NEURL1: variants seen among roughly 807,000 people sequenced by gnomAD.
NEURL1 encodes neuralized E3 ubiquitin protein ligase 1.
A neutral mutation model predicts 41.2 loss-of-function variants in NEURL1; 26 were observed. The ratio of observed to expected loss-of-function variants is 0.63; its 90% CI spans 0.46 to 0.87. NEURL1 has a LOEUF of 0.87. Among genes scored for constraint, NEURL1 ranks in the 40% least tolerant of loss-of-function variants. The pLI is 0.00. For missense variants in NEURL1, 761 were observed against 871.1 expected (o/e 0.87, Z 1.59); for synonymous variants, 400 against 402.3 (o/e 0.99, Z 0.07).
rs56397630 is a variant in NEURL1, at chr10:103,544,594, T to C, written c.86-26278T>C. Among the ~76,000 whole-genome samples the C allele has an allele frequency of 8.5e-3, 1,298 of 152,318 alleles. 7 individuals are homozygous for C. The highest frequency in any genetic ancestry group is 0.012 in the Non-Finnish European group (806 of 68,024). ...TTGCCCAAGGTCACACAGTGAATTA[T>C]GGCAGGCAGTGTCATGGTTAGTAAA... On this transcript the variant is annotated intron_variant, in intron 1 of 5. Transcript: ENST00000369780.
Position 103,563,479 on chromosome 10 carries a change from G to A in NEURL1, c.86-7393G>A, listed in dbSNP as rs1427540254. 5.3e-4 allele frequency among the ~76,000 whole-genome samples: 80 copies of A among 152,090 alleles called. 1 individual carries two copies. Among genetic ancestry groups the A allele is most frequent in the Admixed American group, 6.6e-5 (1 of 15,256 alleles). Reference sequence around the variant, plus strand: ...ACCGCCCAGAAAGTGAGACGAGACTGTCTCTTGGATGAAGATGATGATGCC... The same window carrying A: ...ACCGCCCAGAAAGTGAGACGAGACTATCTCTTGGATGAAGATGATGATGCC... On this transcript the variant is annotated intron_variant, in intron 1 of 5. Coordinates refer to ENST00000369780, the MANE Select transcript of NEURL1 (RefSeq NM_004210.5).
chr10:103,500,247 G>T (rs547055539), intron 1 of NEURL1, among the ~76,000 whole-genome samples: 54 of 152,272 alleles, frequency 3.5e-4, no homozygotes, highest in African/African-American at 1.3e-3. Context: ...CCATGCACTG[G>T]GTGGTTACTT....
rs7903052 is a variant in NEURL1, at chr10:103,545,200, G to A, written c.86-25672G>A. Among the ~76,000 whole-genome samples, 4,155 of 152,318 alleles carry A rather than the reference G, an allele frequency of 0.027. 195 individuals carry two copies. Among genetic ancestry groups the A allele is most frequent in the African/African-American group, 0.093 (3,879 of 41,564 alleles). Reference sequence around the variant, plus strand: ...GTTTCTGTCATTGCAGTCACCCTGTGGTGGCTCCCCTCCTTGGGCTGTCCT... The same window carrying A: ...GTTTCTGTCATTGCAGTCACCCTGTAGTGGCTCCCCTCCTTGGGCTGTCCT... On this transcript the variant is annotated intron_variant, in intron 1 of 5. Coordinates refer to ENST00000369780, the MANE Select transcript of NEURL1 (RefSeq NM_004210.5). The surrounding 1 kb of genome is among the most constrained non-coding windows in gnomAD (Gnocchi z 4.5).
chr10:103,584,655 G>C lies in NEURL1; in HGVS notation c.769G>C (p.Val257Leu). 7.0e-7 allele frequency: 1 copy of C among 1,426,008 alleles called. No homozygotes were observed. The highest frequency in any genetic ancestry group is 9.1e-7 in the Non-Finnish European group (1 of 1,096,150). The allele number at this position is 1,426,008 out of a possible 1,614,324, so 88.3% of individuals were successfully genotyped here. The change falls in exon 4 of 6, where the codon GTG (valine) becomes CTG (leucine). Residue 257 changes from valine (V) to leucine (L), a missense_variant. Transcript: ENST00000369780. ...CTCGGTGAGCCTATGCGACCTCAAC[G>C]TGCCGGGCGCGGACGGCGACGAGGC... is the stretch of plus-strand genomic sequence containing the variant. ...RLSVSLCDLNVPGADGDEAAP... is the reference protein window; with the variant it reads ...RLSVSLCDLNLPGADGDEAAP...
intron 1 of NEURL1, among the ~76,000 whole-genome samples, chr10:103,509,266 A>C (rs1222482986): frequency 6.6e-6 from 1 of 151,902 alleles, no homozygotes; most frequent in African/African-American, 2.4e-5. Flanking sequence ...AAAGAAACCA[A>C]ATACAGTTGT....
chr10:103,588,243 T>C (rs1013457488), intron 4 of NEURL1, among the ~76,000 whole-genome samples: 1 of 151,174 alleles, frequency 6.6e-6, no homozygotes, highest in South Asian at 2.1e-4. Context: ...GAGGTGGAGC[T>C]TGCAGTGAGC....
chr10:103,561,078 G>A (rs186216853), intron 1 of NEURL1, among the ~76,000 whole-genome samples: 6 of 152,288 alleles, frequency 3.9e-5, no homozygotes, highest in Admixed American at 1.3e-4. Flanking sequence ...GCTTACTCAC[G>A]TGGCTATGGG....
At chr10:103,574,989 ATT>A (rs35652840) in intron 3 of NEURL1, among the ~76,000 whole-genome samples, 97 of 145,034 alleles carry the variant, frequency 6.7e-4, no homozygotes, top group Middle Eastern at 3.5e-3. Context: ...TTCTTCCTGA[ATT>A]TTTTTTTTTT....
intron 1 of NEURL1, among the ~76,000 whole-genome samples, chr10:103,544,105 A>T (rs1418855518): frequency 6.6e-6 from 1 of 152,104 alleles, no homozygotes; most frequent in African/African-American, 2.4e-5. Flanking sequence ...CGGAGGCTGG[A>T]ATGATTGTCC....
At chr10:103,521,004 A>C (rs1218641199) in intron 1 of NEURL1, among the ~76,000 whole-genome samples, 1 of 152,212 alleles carries the variant, frequency 6.6e-6, no homozygotes, top group African/African-American at 2.4e-5. Context: ...AGGACATCCA[A>C]TTAGAGAGTG....
intron 1 of NEURL1, among the ~76,000 whole-genome samples, chr10:103,538,415 G>A (rs889290948): frequency 6.6e-6 from 1 of 151,738 alleles, no homozygotes; most frequent in Non-Finnish European, 1.5e-5. Flanking sequence ...TACTAAAAAC[G>A]CAAAAACTAG....
chr10:103,563,353 G>A (rs2035347584), intron 1 of NEURL1, among the ~76,000 whole-genome samples: 1 of 152,204 alleles, frequency 6.6e-6, no homozygotes, highest in Non-Finnish European at 1.5e-5. Flanking sequence ...GTCCAGAGAG[G>A]TGAAGCAACT....
intron 1 of NEURL1, among the ~76,000 whole-genome samples, chr10:103,505,906 G>T (rs142954508): frequency 6.6e-6 from 1 of 152,218 alleles, no homozygotes; most frequent in African/African-American, 2.4e-5. Context: ...TGTCCCACCC[G>T]CTTCTCACTC....
chr10:103,532,947 G>A (rs1034390936), intron 1 of NEURL1, among the ~76,000 whole-genome samples: 1 of 75,090 alleles, frequency 1.3e-5, no homozygotes, highest in Non-Finnish European at 2.4e-5. Context: ...TTTTTTTTGA[G>A]ATGGAGTCTT....
chr10:103,586,117 GAGTTA>G (rs577289173), intron 4 of NEURL1, among the ~76,000 whole-genome samples: 120 of 152,200 alleles, frequency 7.9e-4, no homozygotes, highest in Non-Finnish European at 1.3e-3. Context: ...GATGTGCATT[GAGTTA>G]AGAAAAGAAG....
At chr10:103,525,684 T>C (rs1175990027) in intron 1 of NEURL1, among the ~76,000 whole-genome samples, 14 of 152,194 alleles carry the variant, frequency 9.2e-5, no homozygotes, top group Non-Finnish European at 8.8e-5. Context: ...TGATAGTTTA[T>C]ATGCAAATAG....
intron 3 of NEURL1, among the ~76,000 whole-genome samples, chr10:103,584,060 T>C (rs2035842701): frequency 6.6e-6 from 1 of 152,048 alleles, no homozygotes; most frequent in African/African-American, 2.4e-5. Flanking sequence ...AAAGAGGGTG[T>C]CTGTGTGTTT....
intron 1 of NEURL1, among the ~76,000 whole-genome samples, chr10:103,532,236 T>C (rs2034587623): frequency 6.6e-6 from 1 of 152,222 alleles, no homozygotes; most frequent in Non-Finnish European, 1.5e-5. Context: ...ATTCATTAAT[T>C]GTTTTCTGAT....
intron 1 of NEURL1, among the ~76,000 whole-genome samples, chr10:103,516,519 G>C (rs960958799): frequency 3.3e-5 from 5 of 152,152 alleles, no homozygotes; most frequent in African/African-American, 9.6e-5. Context: ...TCAGAAGAGA[G>C]ATCAGGGCCA....
Sources: allele counts gnomAD v4.1 joint callset (sites outside exome capture counted in the v4.1 genomes callset), GRCh38; gene constraint gnomAD v4.1.1; non-coding constraint Gnocchi (gnomAD v3.1); transcripts MANE v1.5; gene names NCBI Gene and HGNC (gene_info 2026-07-23, HGNC 2026-07-21).